Variants in RANGAP1 observed in about 807,000 individuals in gnomAD.
The protein encoded by RANGAP1 is Ran GTPase activating protein 1, also known as ran GTPase-activating protein 1.
RANGAP1 carries 38 observed loss-of-function variants against 63.5 expected under a neutral mutation model. That is an observed-to-expected ratio of 0.60 (90% CI 0.46 to 0.78). The LOEUF (loss-of-function observed/expected upper bound fraction) is 0.78. Ranked by LOEUF, RANGAP1 falls within the 30% of genes least tolerant of loss-of-function variation. RANGAP1 has a pLI of 0.00. For synonymous variants in RANGAP1, 329 were observed against 310.5 expected (o/e 1.06, Z -0.63); for missense variants, 630 against 740.3 (o/e 0.85, Z 1.73).
intron 15 of RANGAP1, 137 bp downstream of exon 15, chr22:41,249,193 G>A: frequency 8.0e-7 from 1 of 1,243,806 alleles, no homozygotes; most frequent in East Asian, 2.5e-5. Flanking sequence ...CAGGAGGCAT[G>A]AGGGCCTCTC....
intron 3 of RANGAP1, among the ~76,000 whole-genome samples, chr22:41,273,929 T>A (rs959373721): frequency 8.6e-5 from 13 of 151,392 alleles, no homozygotes; most frequent in African/African-American, 3.2e-4. Context: ...CAAAAAAAAA[T>A]TAGCCGGGAG....
the RANGAP1 span, among the ~76,000 whole-genome samples, chr22:41,298,187 G>A: frequency 6.6e-6 from 1 of 151,124 alleles, no homozygotes; most frequent in Non-Finnish European, 1.5e-5. Context: ...ATTTTTAGTA[G>A]AGACAGGGTT....
At chr22:41,290,424 T>G (rs2035826103), upstream of RANGAP1, among the ~76,000 whole-genome samples, 1 of 152,050 alleles carries the variant, frequency 6.6e-6, no homozygotes, top group Admixed American at 6.6e-5. Flanking sequence ...GAGATGGGGT[T>G]TCACTGTGTT....
chr22:41,249,206 G>A, intron 15 of RANGAP1, 124 bp downstream of exon 15: 1 of 1,347,430 alleles, frequency 7.4e-7, no homozygotes, highest in Non-Finnish European at 9.9e-7. Flanking sequence ...GGCCTCTCAT[G>A]CACCTGAGTG....
chr22:41,280,991 C>T lies in RANGAP1; in HGVS notation c.54G>A (p.Val18=), dbSNP rs1414655114. The change falls in exon 2 of 16, where the codon GTG becomes GTA. Residue 18 remains valine (V), a synonymous_variant. Transcript: ENST00000356244. ...CTTTGAAACTCAGCTGTCCCCCGGC[C>T]ACCTGAGTCTTGGCAAGTGTCTCTG... is the stretch of plus-strand genomic sequence containing the variant. The part of the protein sequence containing the change: ...KLAETLAKTQ[V]AGGQLSFKGK... 6.2e-7 allele frequency: 1 copy of T among 1,613,440 alleles called. No individual in the cohort carries two copies. Among genetic ancestry groups the T allele is most frequent in the Admixed American group, 1.7e-5 (1 of 59,942 alleles).
chr22:41,245,513 C>T lies in RANGAP1; in HGVS notation c.*1090G>A, dbSNP rs1328635576. 6.6e-6 allele frequency: 1 copy of T among 152,272 alleles called. No individual in the cohort carries two copies. Among genetic ancestry groups the T allele is most frequent in the Non-Finnish European group, 1.5e-5 (1 of 68,068 alleles). 9.4% of individuals were successfully genotyped at this position (152,272 alleles called of 1,614,324 possible). A position where few individuals can be genotyped will look rare whatever the true frequency, so the allele number is the denominator to read the frequency against. The stretch of plus-strand genomic sequence containing the variant: ...GGGCCCTTCTGCAGGGCTGACTGCC[C>T]CACAGACTGCTGCGGGGCCGCATGC... On this transcript the variant is annotated 3_prime_UTR_variant, in exon 16 of 16. Transcript: ENST00000356244.
Position 41,264,766 on chromosome 22 carries a change from G to A in RANGAP1, c.378C>T (p.Pro126=), listed in dbSNP as rs531319204. The A allele has an allele frequency of 3.2e-5, 51 of 1,614,088 alleles. No homozygotes were observed. The highest frequency in any genetic ancestry group is 2.3e-4 in the South Asian group (21 of 91,080). ...ELDLSDNAFG[P]DGVQGFEALL... ...GGGCCTCGAAGCCTTGCACACCGTC[G>A]GGCCCGAATGCGTTGTCGCTTAAGT... The change falls in exon 5 of 16, where the codon CCC becomes CCT. Residue 126 remains proline, a synonymous_variant. Transcript: ENST00000356244.
intron 10 of RANGAP1, 112 bp from the exon 11 acceptor site, chr22:41,254,606 T>A (rs1305996247): frequency 6.7e-7 from 1 of 1,484,162 alleles, no homozygotes; most frequent in African/African-American, 1.4e-5. Context: ...GGAGAGAGCC[T>A]GGTGGGGTGG....
At chr22:41,259,396 G>GT (rs1256197059) in intron 6 of RANGAP1, among the ~76,000 whole-genome samples, 1 of 152,126 alleles carries the variant, frequency 6.6e-6, no homozygotes, top group African/African-American at 2.4e-5. Context: ...AGGCAGTCTG[G>GT]TGAAGCCCCT....
At chr22:41,266,071 G>A (rs1409065980) in intron 4 of RANGAP1, among the ~76,000 whole-genome samples, 11 of 152,086 alleles carry the variant, frequency 7.2e-5, no homozygotes, top group Non-Finnish European at 1.3e-4. Flanking sequence ...GCATGGTGGC[G>A]GGCGCCTGTA....
chr22:41,273,364 G>C (rs1361135367), intron 3 of RANGAP1, among the ~76,000 whole-genome samples: 2 of 152,198 alleles, frequency 1.3e-5, no homozygotes, highest in East Asian at 1.9e-4. Flanking sequence ...CTCACAGAGC[G>C]TATCAGAAGA....
intron 10 of RANGAP1, chr22:41,254,699 G>A (rs1482292892): frequency 3.9e-5 from 37 of 954,334 alleles, no homozygotes; most frequent in African/African-American, 1.8e-5. Flanking sequence ...TCGGCCCGGC[G>A]CGGTGGCTCA....
At chr22:41,264,915 G>A (rs953266706) in intron 4 of RANGAP1, 72 bp from the exon 5 acceptor site, 5 of 1,478,336 alleles carry the variant, frequency 3.4e-6, no homozygotes, top group Non-Finnish European at 3.7e-6. Flanking sequence ...TTCTGTGCCA[G>A]GCCCAGCTCT....
intron 4 of RANGAP1, among the ~76,000 whole-genome samples, chr22:41,267,045 A>C (rs1380046878): frequency 6.7e-6 from 1 of 149,262 alleles, no homozygotes; most frequent in African/African-American, 2.5e-5. Context: ...CATGCCAGCT[A>C]ATTTTTGTAT....
At chr22:41,266,837 C>T (rs1039862068) in intron 4 of RANGAP1, among the ~76,000 whole-genome samples, 2 of 152,110 alleles carry the variant, frequency 1.3e-5, no homozygotes, top group South Asian at 2.1e-4. Flanking sequence ...TGAGCCACTG[C>T]GCCTGGCCTA....
chr22:41,299,709 G>T, the RANGAP1 span, among the ~76,000 whole-genome samples: 2 of 152,088 alleles, frequency 1.3e-5, no homozygotes, highest in East Asian at 1.9e-4. Context: ...GACAACATGG[G>T]GCTTCCCAGA....
chr22:41,300,731 A>G, the RANGAP1 span, among the ~76,000 whole-genome samples: 93 of 151,942 alleles, frequency 6.1e-4, 1 homozygote, highest in African/African-American at 1.7e-3. Flanking sequence ...TTGGCCTCCC[A>G]AAGTGCTGAG....
At chr22:41,249,903 G>A (rs117890877) in intron 13 of RANGAP1, 86 bp from the exon 14 acceptor site, 11 of 1,211,472 alleles carry the variant, frequency 9.1e-6, no homozygotes, top group Non-Finnish European at 1.3e-5. Flanking sequence ...ACACCGCGCA[G>A]ACACAGGCTC....
At position 41,245,118 on chromosome 22, in the gene RANGAP1, G is replaced by A. The variant is rs950607189; in HGVS notation, c.*1485C>T. 2.0e-5 allele frequency among the ~76,000 whole-genome samples: 3 copies of A among 152,198 alleles called. No individual in the cohort carries two copies. The highest frequency in any genetic ancestry group is 7.2e-5 in the African/African-American group (3 of 41,438). On this transcript the variant is annotated 3_prime_UTR_variant, in exon 16 of 16. Transcript: ENST00000356244. ...ACCCCCTACCGTATCAACTCACACAGAAGACAGGGGACAGGGCCAGCAGTA... is the reference window on the plus strand; with the variant it reads ...ACCCCCTACCGTATCAACTCACACAAAAGACAGGGGACAGGGCCAGCAGTA...
Sources: gnomAD v4.1 joint callset for allele counts (sites outside exome capture counted in the v4.1 genomes callset) on GRCh38, gnomAD v4.1.1 for gene constraint, MANE v1.5 for transcripts, NCBI Gene and HGNC (gene_info 2026-07-23, HGNC 2026-07-21) for gene names.